The following RMDN2 variants were observed in gnomAD, a reference collection of about 807,000 sequenced individuals.
RMDN2 encodes regulator of microtubule dynamics protein 2.
A neutral mutation model predicts 52.8 loss-of-function variants in RMDN2; 61 were observed. The ratio of observed to expected loss-of-function variants is 1.16; its 90% confidence interval spans 0.94 to 1.43. The LOEUF is 1.43. Ranked by LOEUF, RMDN2 falls within the 40% of genes most tolerant of loss-of-function variation. The pLI is 0.00. For missense variants in RMDN2, 592 were observed against 475.3 expected (o/e 1.25, Z -2.28); for synonymous variants, 180 against 153.1 (o/e 1.18, Z -1.30).
chr2:38,002,346 G>A (rs999063843), intron 8 of RMDN2, among the ~76,000 whole-genome samples: 3 of 152,104 alleles, frequency 2.0e-5, no homozygotes, highest in South Asian at 2.1e-4. Context: ...TAATGAAAAC[G>A]GAGAATAAAT....
In RMDN2 at chr2:37,939,904, G is replaced by T. The variant is rs944097629; in HGVS notation, c.452+10175G>T. Among the ~76,000 whole-genome samples the T allele has an allele frequency of 2.6e-5, 4 of 152,144 alleles. No individual in the cohort carries two copies. The South Asian group carries it at 6.2e-4, about 24-fold the overall frequency. ...ACATTTAAGGTTAATATTGTTATGTGTGAATTTGATCCTGTCCTTATGATG... is the reference window on the plus strand; with the variant it reads ...ACATTTAAGGTTAATATTGTTATGTTTGAATTTGATCCTGTCCTTATGATG... On this transcript the variant is annotated intron_variant, in intron 2 of 10. Coordinates refer to ENST00000354545, the MANE Select transcript of RMDN2 (RefSeq NM_001170791.3).
At position 37,929,290 on chromosome 2, in the gene RMDN2, A is replaced by G. The variant is rs889435080; in HGVS notation, c.13A>G (p.Thr5Ala). MPYSTNKELILGIMV... is the reference protein window; with the variant it reads MPYSANKELILGIMV... The stretch of plus-strand genomic sequence containing the variant: ...CGAAAACCAAGAAATGCCTTATTCC[A>G]CAAACAAAGAGTTGATACTTGGCAT... The change falls in exon 2 of 11, where the codon ACA becomes GCA. Residue 5 changes from threonine (T) to alanine (A), a missense_variant. Transcript: ENST00000354545. 6 of 1,520,458 alleles carry G rather than the reference A, an allele frequency of 3.9e-6. No homozygotes were observed. The highest frequency in any genetic ancestry group is 4.6e-5 in the Admixed American group (2 of 43,926). 94.2% of individuals were successfully genotyped at this position (1,520,458 alleles called of 1,614,324 possible).
chr2:37,955,496 T>A (rs532713600), intron 2 of RMDN2, among the ~76,000 whole-genome samples: 1 of 152,250 alleles, frequency 6.6e-6, no homozygotes, highest in East Asian at 1.9e-4. Flanking sequence ...ATTGATATGG[T>A]TTGGCTGTGT....
At chr2:38,064,633 A>T (rs1345869459) in intron 10 of RMDN2, among the ~76,000 whole-genome samples, 1 of 152,236 alleles carries the variant, frequency 6.6e-6, no homozygotes, top group Non-Finnish European at 1.5e-5. Context: ...GCTTCTGTAT[A>T]TACAATATGA....
intron 5 of RMDN2, among the ~76,000 whole-genome samples, chr2:37,985,724 T>C (rs1042189148): frequency 1.3e-5 from 2 of 152,104 alleles, no homozygotes; most frequent in African/African-American, 4.8e-5. Flanking sequence ...ATCACAACAG[T>C]AACTCAAAAG....
intron 2 of RMDN2, among the ~76,000 whole-genome samples, chr2:37,963,803 C>G (rs949867763): frequency 1.3e-5 from 2 of 152,222 alleles, no homozygotes; most frequent in African/African-American, 4.8e-5. Flanking sequence ...CCATCGTCAT[C>G]ATGGCCCGTT....
chr2:38,061,397 C>G (rs923067772), intron 10 of RMDN2, among the ~76,000 whole-genome samples: 3 of 152,138 alleles, frequency 2.0e-5, no homozygotes, highest in South Asian at 2.1e-4. Flanking sequence ...GTGGAGTGCG[C>G]TGAGATTATT....
intron 2 of RMDN2, among the ~76,000 whole-genome samples, chr2:37,935,132 A>G (rs2124909019): frequency 1.3e-5 from 2 of 152,362 alleles, no homozygotes; most frequent in South Asian, 4.1e-4. Flanking sequence ...CAACAAAAAC[A>G]GTACTGATTA....
At chr2:38,057,227 T>G (rs1001587471) in intron 10 of RMDN2, among the ~76,000 whole-genome samples, 1 of 152,238 alleles carries the variant, frequency 6.6e-6, no homozygotes, top group Non-Finnish European at 1.5e-5. Context: ...GTAGTAAATA[T>G]TTCAGGCTTT....
Position 38,004,952 on chromosome 2 carries a change from G to T in RMDN2, c.1179+736G>T, listed in dbSNP as rs1273380408. Among the ~76,000 whole-genome samples the T allele has an allele frequency of 2.0e-5, 3 of 151,746 alleles. No homozygotes were observed. The South Asian group carries it at 6.2e-4, about 32-fold the overall frequency. ...CTATGAGTGACAACATGTGGTGTTTGGTTTTTTGTCCTTGCGATAGTTTGC... is the reference window on the plus strand; with the variant it reads ...CTATGAGTGACAACATGTGGTGTTTTGTTTTTTGTCCTTGCGATAGTTTGC... On this transcript the variant is annotated intron_variant, in intron 10 of 10. Coordinates refer to ENST00000354545, the MANE Select transcript of RMDN2 (RefSeq NM_001170791.3).
intron 2 of RMDN2, chr2:37,952,529 G>A (rs1218714451): frequency 4.9e-6 from 2 of 406,086 alleles, no homozygotes; most frequent in Non-Finnish European, 8.7e-6. Flanking sequence ...AAGCCTTGAT[G>A]TATGGACTTT....
At chr2:38,042,427 C>A (rs1434103115) in intron 10 of RMDN2, among the ~76,000 whole-genome samples, 1 of 67,092 alleles carries the variant, frequency 1.5e-5, no homozygotes, top group Non-Finnish European at 2.3e-5. Context: ...ACACACACCA[C>A]ACACACACAC....
intron 10 of RMDN2, among the ~76,000 whole-genome samples, chr2:38,052,950 A>G (rs1465069365): frequency 6.6e-6 from 1 of 152,200 alleles, no homozygotes; most frequent in East Asian, 1.9e-4. Flanking sequence ...ACTGTGTGGA[A>G]TGGATCCTCA....
intron 10 of RMDN2, among the ~76,000 whole-genome samples, chr2:38,007,153 A>G (rs11894787): frequency 6.6e-6 from 1 of 152,094 alleles, no homozygotes; most frequent in African/African-American, 2.4e-5. Flanking sequence ...CAGGGATATT[A>G]GTCTAAAATT....
chr2:38,006,582 T>C (rs1461303648), intron 10 of RMDN2, among the ~76,000 whole-genome samples: 5 of 152,244 alleles, frequency 3.3e-5, no homozygotes, highest in Admixed American at 2.6e-4. Context: ...TGAAGTTGCC[T>C]ATCAGCTTAA....
intron 2 of RMDN2, among the ~76,000 whole-genome samples, chr2:37,957,806 T>G (rs1669673514): frequency 6.6e-6 from 1 of 152,210 alleles, no homozygotes; most frequent in Non-Finnish European, 1.5e-5. Context: ...TTGATCCTTC[T>G]TGAGTTGATT....
chr2:38,040,651 A>G (rs4670808), intron 10 of RMDN2, among the ~76,000 whole-genome samples: 45,622 of 152,142 alleles, frequency 0.3, 8,472 homozygotes, highest in South Asian at 0.5. Context: ...TCCTGAAGTC[A>G]GGTAATTTTA....
At chr2:37,994,861 A>T (rs1675296089) in intron 7 of RMDN2, among the ~76,000 whole-genome samples, 2 of 152,228 alleles carry the variant, frequency 1.3e-5, no homozygotes, top group African/African-American at 4.8e-5. Context: ...TAGCAGCATA[A>T]CAACATGCAT....
intron 2 of RMDN2, among the ~76,000 whole-genome samples, chr2:37,968,337 G>GA (rs899345696): frequency 1.3e-5 from 2 of 151,344 alleles, no homozygotes; most frequent in Non-Finnish European, 2.9e-5. Flanking sequence ...CAGCTTGGGG[G>GA]GCTGAGGCAG....
Sources: allele counts gnomAD v4.1 joint callset (sites outside exome capture counted in the v4.1 genomes callset), GRCh38; gene constraint gnomAD v4.1.1; transcripts MANE v1.5; gene names NCBI Gene and HGNC (gene_info 2026-07-23, HGNC 2026-07-21).